The following CASD1 variants were observed in gnomAD, a reference collection of about 807,000 sequenced individuals.
CASD1 encodes the protein N-acetylneuraminate (7)9-O-acetyltransferase.
CASD1 carries 41 observed loss-of-function variants against 100.0 expected under a neutral mutation model. The ratio of observed to expected loss-of-function variants is 0.41; its 90% CI spans 0.32 to 0.53. The LOEUF is 0.53. Ranked by LOEUF, CASD1 falls within the 20% of genes least tolerant of loss-of-function variation. CASD1 has a pLI of 0.25. For synonymous variants in CASD1, 321 were observed against 315.6 expected (o/e 1.02, Z -0.18); for missense variants, 774 against 948.7 (o/e 0.82, Z 2.42).
Position 94,556,464 on chromosome 7 carries a change from A to C in CASD1, c.*706A>C, listed in dbSNP as rs1431358783. 6.6e-6 allele frequency: 1 copy of C among 151,920 alleles called. No individual in the cohort carries two copies. The highest frequency in any genetic ancestry group is 2.4e-5 in the African/African-American group (1 of 41,388). 9.4% of individuals were successfully genotyped at this position (151,920 alleles called of 1,614,324 possible). ...TTGCTTCGTTTTATAAAAAAGCCAAAATTTTTTTTCCAATCCAAACGTTCA... is the reference window on the plus strand; with the variant it reads ...TTGCTTCGTTTTATAAAAAAGCCAACATTTTTTTTCCAATCCAAACGTTCA... On this transcript the variant is annotated 3_prime_UTR_variant, in exon 18 of 18. Transcript: ENST00000297273.
chr7:94,548,642 C>A (rs1245333834), intron 13 of CASD1, among the ~76,000 whole-genome samples: 1 of 151,702 alleles, frequency 6.6e-6, no homozygotes, highest in Non-Finnish European at 1.5e-5. Context: ...TTCTTCTGAC[C>A]TAAAGACTCA....
the CASD1 span, chr7:94,629,630 A>G: frequency 2.6e-6 from 3 of 1,153,156 alleles, no homozygotes; most frequent in African/African-American, 3.1e-5. Flanking sequence ...AATAATGTTA[A>G]TGATATTTTA....
At chr7:94,514,879 A>C (rs2116178504) in intron 1 of CASD1, among the ~76,000 whole-genome samples, 1 of 152,228 alleles carries the variant, frequency 6.6e-6, no homozygotes, top group Admixed American at 6.5e-5. Flanking sequence ...AGACAATTGA[A>C]AATAACAACC....
At chr7:94,544,681 T>A (rs1012569260) in intron 11 of CASD1, 151 bp downstream of exon 11, 1 of 727,424 alleles carries the variant, frequency 1.4e-6, no homozygotes, top group Admixed American at 3.8e-5. Context: ...CTGTGTTCTG[T>A]GTTTAGTATT....
chr7:94,621,620 A>G, the CASD1 span: 5 of 152,216 alleles, frequency 3.3e-5, no homozygotes, highest in Admixed American at 3.3e-4. Context: ...CACCTGACAG[A>G]GTTTCGAGTC....
At chr7:94,587,566 T>A in the CASD1 span, 1 of 1,330,212 alleles carries the variant, frequency 7.5e-7, no homozygotes, top group Non-Finnish European at 9.5e-7. Flanking sequence ...CATTTATCTT[T>A]TTTCTCTCTT....
the CASD1 span, chr7:94,587,301 A>G: frequency 3.0e-6 from 3 of 992,300 alleles, no homozygotes; most frequent in Non-Finnish European, 1.2e-6. Flanking sequence ...CAAGTTTCCT[A>G]ATTCCCCTAG....
rs1220656260 is a variant in CASD1 at position 94,540,785 on chromosome 7, G to A, written c.1356+1729G>A. Among the ~76,000 whole-genome samples, 8 of 152,264 alleles carry A rather than the reference G, an allele frequency of 5.3e-5. No individual in the cohort carries two copies. In the East Asian group the frequency reaches 7.7e-4, roughly 15 times the overall value. On this transcript the variant is annotated intron_variant, in intron 10 of 17. Coordinates refer to ENST00000297273, the MANE Select transcript of CASD1 (RefSeq NM_022900.5). Reference sequence around the variant, plus strand: ...ATTGAATCCTAAGAATATCTCTGATGTATGAATAAAGACTGAGTAATGGAA... The same window carrying A: ...ATTGAATCCTAAGAATATCTCTGATATATGAATAAAGACTGAGTAATGGAA...
chr7:94,532,431 A>G (rs1794896118), intron 5 of CASD1, among the ~76,000 whole-genome samples: 1 of 152,150 alleles, frequency 6.6e-6, no homozygotes, highest in South Asian at 2.1e-4. Context: ...CCACTAAGTG[A>G]CTAATGGGCA....
chr7:94,598,689 CACA>C, the CASD1 span: 4 of 975,282 alleles, frequency 4.1e-6, no homozygotes, highest in Middle Eastern at 2.0e-4. Flanking sequence ...AACAAACAAA[CACA>C]ACAACAGAAA....
At chr7:94,552,119 T>C (rs1173401114) in intron 15 of CASD1, 5 of 450,564 alleles carry the variant, frequency 1.1e-5, no homozygotes, top group African/African-American at 2.1e-5. Flanking sequence ...GATCACTGTT[T>C]CCAGAAAAGC....
the CASD1 span, chr7:94,585,655 C>T: frequency 3.0e-6 from 2 of 658,958 alleles, no homozygotes; most frequent in Admixed American, 4.4e-5. Context: ...CATTATTTCT[C>T]TGTATTTGGT....
At chr7:94,585,732 A>G in the CASD1 span, among the ~76,000 whole-genome samples, 1 of 152,206 alleles carries the variant, frequency 6.6e-6, no homozygotes, top group African/African-American at 2.4e-5. Context: ...GACCAAAGCT[A>G]TAATATTTTG....
chr7:94,547,242 T>C, intron 13 of CASD1, 67 bp downstream of exon 13: 4 of 1,201,764 alleles, frequency 3.3e-6, no homozygotes, highest in South Asian at 3.2e-5. Flanking sequence ...TATTAAAGCA[T>C]GTGAGAAGAG....
chr7:94,585,123 T>G, the CASD1 span: 1 of 185,060 alleles, frequency 5.4e-6, no homozygotes, highest in African/African-American at 2.4e-5. Flanking sequence ...AGCACTAAAG[T>G]CTTGTGGAAT....
At chr7:94,580,843 T>C in the CASD1 span, among the ~76,000 whole-genome samples, 1 of 152,234 alleles carries the variant, frequency 6.6e-6, no homozygotes, top group Non-Finnish European at 1.5e-5. Flanking sequence ...AACTATATTT[T>C]CTGTTGCAGT....
chr7:94,620,555 G>C, the CASD1 span: 6 of 152,096 alleles, frequency 3.9e-5, no homozygotes, highest in African/African-American at 1.4e-4. Flanking sequence ...TTATGAGAAA[G>C]TTTCTTGGCA....
At chr7:94,535,282 G>A in intron 7 of CASD1, 27 bp from the exon 8 acceptor site, 1 of 1,533,964 alleles carries the variant, frequency 6.5e-7, no homozygotes, top group Non-Finnish European at 9.0e-7. Flanking sequence ...TTTAAAATGT[G>A]TTTTTAAAAA....
In CASD1 at chr7:94,533,198, C is replaced by A. The variant is rs1323617080; in HGVS notation, c.460-7C>A. On this transcript the variant is annotated splice_polypyrimidine_tract_variant and splice_region_variant and intron_variant, in intron 5 of 17. Transcript: ENST00000297273. The stretch of plus-strand genomic sequence containing the variant: ...TAATACTATGATAAAGATTTGTCTT[C>A]CTTTAGGATTCCATTGCAAAGCCAC... The A allele has an allele frequency of 1.2e-6, 2 of 1,602,812 alleles. No homozygotes were observed. The highest frequency in any genetic ancestry group is 2.2e-5 in the South Asian group (2 of 90,122).
Sources: gnomAD v4.1 joint callset for allele counts (sites outside exome capture counted in the v4.1 genomes callset) on GRCh38, gnomAD v4.1.1 for gene constraint, MANE v1.5 for transcripts, NCBI Gene and HGNC (gene_info 2026-07-23, HGNC 2026-07-21) for gene names.